Variants in ADGRB2 observed in about 807,000 individuals in gnomAD.
The protein encoded by ADGRB2 is adhesion G protein-coupled receptor B2, also known as brain-specific angiogenesis inhibitor 2.
Under a neutral mutation model 178.7 loss-of-function variants are expected in ADGRB2, and 47 were observed. The ratio of observed to expected loss-of-function variants is 0.26; its 90% confidence interval spans 0.21 to 0.34. The LOEUF is 0.34. Among genes scored for constraint, ADGRB2 ranks in the 10% least tolerant of loss-of-function variants. The pLI is 1.00. For missense variants in ADGRB2, 1,584 were observed against 2,180.8 expected (o/e 0.73, Z 5.45); for synonymous variants, 870 against 912.4 (o/e 0.95, Z 0.84).
rs969892057 is a variant in ADGRB2 at position 31,754,379 on chromosome 1, C to T, written c.838+1620G>A. On this transcript the variant is annotated intron_variant, in intron 4 of 32. Coordinates refer to ENST00000373658, the MANE Select transcript of ADGRB2 (RefSeq NM_001364857.2). The surrounding 1 kb of genome is among the most constrained non-coding windows in gnomAD (Gnocchi z 5.7). ...GCAGGGAAAGCCAGACAAAAGAACC[C>T]GCCTGCAGCTGAGCACGATGGGGGA... 2.0e-5 allele frequency among the ~76,000 whole-genome samples: 3 copies of T among 152,266 alleles called. No homozygotes were observed. The highest frequency in any genetic ancestry group is 7.2e-5 in the African/African-American group (3 of 41,476).
intron 25 of ADGRB2, among the ~76,000 whole-genome samples, chr1:31,734,908 C>T (rs1557742026): frequency 6.6e-6 from 1 of 151,706 alleles, no homozygotes; most frequent in African/African-American, 2.4e-5. Flanking sequence ...GGGTGTGGGG[C>T]GGTGCAGGAT....
Position 31,737,562 on chromosome 1 carries a change from C to T in ADGRB2, c.2877-31G>A, listed in dbSNP as rs2271931. On this transcript the variant is annotated intron_variant, in intron 19 of 32. Transcript: ENST00000373658. ...GGGGCACAGCAGGCAGGGACAGAGGCGCTGGCTGCCCCATCCGACCTGGTG... is the reference window on the plus strand; with the variant it reads ...GGGGCACAGCAGGCAGGGACAGAGGTGCTGGCTGCCCCATCCGACCTGGTG... The T allele has an allele frequency of 1.1e-5, 17 of 1,611,660 alleles. 1 individual carries two copies. The highest frequency in any genetic ancestry group is 5.0e-5 in the Admixed American group (3 of 59,960).
chr1:31,738,174 A>G (rs1645731104), intron 18 of ADGRB2, 26 bp downstream of exon 18: 3 of 1,609,578 alleles, frequency 1.9e-6, no homozygotes, highest in Non-Finnish European at 2.5e-6. Flanking sequence ...TCCCTTATTC[A>G]GCCCAGGCAC....
At chr1:31,731,562 TA>T in intron 28 of ADGRB2, 143 bp from the exon 29 acceptor site, 1 of 1,033,900 alleles carries the variant, frequency 9.7e-7, no homozygotes, top group Non-Finnish European at 1.4e-6. Context: ...GGGTGGTTGG[TA>T]ATCTCTCACA....
intron 26 of ADGRB2, 124 bp downstream of exon 26, chr1:31,732,848 C>A (rs1304216226): frequency 7.5e-7 from 1 of 1,331,000 alleles, no homozygotes. Flanking sequence ...ACAGTAAGGG[C>A]TGCCCAGATG....
rs1009685881 is a variant in ADGRB2, at chr1:31,754,993, C to T, written c.838+1006G>A. ...CAGATGCCCTTTCCATCCTCTATCCCTGCATCCTTGATCCTCATGAGGATA... is the reference window on the plus strand; with the variant it reads ...CAGATGCCCTTTCCATCCTCTATCCTTGCATCCTTGATCCTCATGAGGATA... On this transcript the variant is annotated intron_variant, in intron 4 of 32. Transcript: ENST00000373658. The surrounding 1 kb of genome is among the most constrained non-coding windows in gnomAD (Gnocchi z 5.7). 6.6e-6 allele frequency among the ~76,000 whole-genome samples: 1 copy of T among 152,248 alleles called. No individual in the cohort carries two copies. The highest frequency in any genetic ancestry group is 1.5e-5 in the Non-Finnish European group (1 of 68,040).
chr1:31,739,091 C>T, intron 15 of ADGRB2, 154 bp from the exon 16 acceptor site: 1 of 834,610 alleles, frequency 1.2e-6, no homozygotes, highest in Admixed American at 2.9e-5. Flanking sequence ...CAGGTGAGGT[C>T]TAGAGCTCTG....
rs543016986 is a variant in ADGRB2, at chr1:31,738,973, G to A, written c.2496-36C>T. On this transcript the variant is annotated intron_variant, in intron 15 of 32. Coordinates refer to ENST00000373658, the MANE Select transcript of ADGRB2 (RefSeq NM_001364857.2). Reference sequence around the variant, plus strand: ...GGTACCGAAGTCAGCTCCTGCCAGCGGGTGCCAGCCCCAGTCAGAAACCCT... The same window carrying A: ...GGTACCGAAGTCAGCTCCTGCCAGCAGGTGCCAGCCCCAGTCAGAAACCCT... 9.7e-6 allele frequency: 15 copies of A among 1,545,772 alleles called. No homozygotes were observed. The East Asian group carries it at 1.1e-4, about 12-fold the overall frequency.
Position 31,740,901 on chromosome 1 carries a change from A to G in ADGRB2, c.1795-360T>C, listed in dbSNP as rs942978602. Among the ~76,000 whole-genome samples the G allele has an allele frequency of 6.3e-4, 95 of 149,656 alleles. No individual in the cohort carries two copies. Among genetic ancestry groups the G allele is most frequent in the African/African-American group, 1.9e-3 (78 of 40,210 alleles). Reference sequence around the variant, plus strand: ...CATGTGTGTGGGCGCGCGCGCACACACACACACACACACACACACACACAC... The same window carrying G: ...CATGTGTGTGGGCGCGCGCGCACACGCACACACACACACACACACACACAC... On this transcript the variant is annotated intron_variant, in intron 11 of 32. Coordinates refer to ENST00000373658, the MANE Select transcript of ADGRB2 (RefSeq NM_001364857.2). The surrounding 1 kb of genome is among the most constrained non-coding windows in gnomAD (Gnocchi z 5.9).
chr1:31,740,045 A>G lies in ADGRB2; in HGVS notation c.2059-11T>C. ...AGAGCCAGGGGACACCTGGGGACAG[A>G]AAGTGTGTAAGGGTCCAAGGCAGGG... On this transcript the variant is annotated splice_polypyrimidine_tract_variant and intron_variant, in intron 13 of 32. Transcript: ENST00000373658. This position sits in a 1 kb window ranked among gnomAD's most constrained non-coding sequence, Gnocchi z 5.9. The G allele has an allele frequency of 6.2e-7, 1 of 1,614,168 alleles. No homozygotes were observed. Among genetic ancestry groups the G allele is most frequent in the Non-Finnish European group, 8.5e-7 (1 of 1,180,004 alleles).
chr1:31,730,702 G>C (rs558355896), intron 29 of ADGRB2, 98 bp downstream of exon 29: 2 of 1,372,152 alleles, frequency 1.5e-6, no homozygotes, highest in East Asian at 5.1e-5. Context: ...TGACTTTTAC[G>C]AGAGGCCGCT....
rs1431939538 is a variant in ADGRB2 at position 31,755,080 on chromosome 1, C to T, written c.838+919G>A. On this transcript the variant is annotated intron_variant, in intron 4 of 32. Coordinates refer to ENST00000373658, the MANE Select transcript of ADGRB2 (RefSeq NM_001364857.2). The surrounding 1 kb of genome is among the most constrained non-coding windows in gnomAD (Gnocchi z 5.1). ...CCAGAGAGAGGAGAGGCCTCCCTGTCGGTACCAGAGCTGCAGACCAGACCC... is the reference window on the plus strand; with the variant it reads ...CCAGAGAGAGGAGAGGCCTCCCTGTTGGTACCAGAGCTGCAGACCAGACCC... Among the ~76,000 whole-genome samples the T allele has an allele frequency of 3.9e-5, 6 of 152,200 alleles. No homozygotes were observed. Among genetic ancestry groups the T allele is most frequent in the African/African-American group, 1.2e-4 (5 of 41,456 alleles).
rs901757474 is a variant in ADGRB2 at position 31,755,250 on chromosome 1, G to A, written c.838+749C>T. 2.6e-5 allele frequency among the ~76,000 whole-genome samples: 4 copies of A among 152,238 alleles called. No individual in the cohort carries two copies. Among genetic ancestry groups the A allele is most frequent in the African/African-American group, 9.6e-5 (4 of 41,466 alleles). On this transcript the variant is annotated intron_variant, in intron 4 of 32. Coordinates refer to ENST00000373658, the MANE Select transcript of ADGRB2 (RefSeq NM_001364857.2). The surrounding 1 kb of genome is among the most constrained non-coding windows in gnomAD (Gnocchi z 5.1). Reference sequence around the variant, plus strand: ...CTTGAAGCTGCAGGAAGCAGGGTCTGTAGAAGGCAGCCGTGGCTGAGGGAG... The same window carrying A: ...CTTGAAGCTGCAGGAAGCAGGGTCTATAGAAGGCAGCCGTGGCTGAGGGAG...
In ADGRB2 at chr1:31,753,314, T is replaced by C. The variant is rs751158230; in HGVS notation, c.838+2685A>G. 3.9e-5 allele frequency among the ~76,000 whole-genome samples: 6 copies of C among 152,128 alleles called. No homozygotes were observed. Among genetic ancestry groups the C allele is most frequent in the Non-Finnish European group, 7.3e-5 (5 of 68,042 alleles). Reference sequence around the variant, plus strand: ...AATTTATGGCTCAACTCACCAAAAATAACAAGAGATCTATCAAAGGCAGTT... The same window carrying C: ...AATTTATGGCTCAACTCACCAAAAACAACAAGAGATCTATCAAAGGCAGTT... On this transcript the variant is annotated intron_variant, in intron 4 of 32. Coordinates refer to ENST00000373658, the MANE Select transcript of ADGRB2 (RefSeq NM_001364857.2). The surrounding 1 kb of genome is among the most constrained non-coding windows in gnomAD (Gnocchi z 4.1).
Position 31,739,591 on chromosome 1 carries a change from T to C in ADGRB2, c.2212A>G (p.Ile738Val). ...CGGCGGCCCCGCATGGGGAACGTGA[T>C]GTCACTGGACACAGCTGAGACGGGC... ...REPVSAVSSD[I>V]TFPMRGRRGM... The change falls in exon 15 of 33, where the codon ATC (isoleucine) becomes GTC (valine). Residue 738 changes from isoleucine (I) to valine (V), a missense_variant. By Grantham distance (29) the Ile-to-Val change is conservative. Transcript: ENST00000373658. 1 of 1,609,304 alleles carries C rather than the reference T, an allele frequency of 6.2e-7. No homozygotes were observed. Among genetic ancestry groups the C allele is most frequent in the Non-Finnish European group, 8.5e-7 (1 of 1,177,756 alleles).
rs755898509 is a variant in ADGRB2 at position 31,744,634 on chromosome 1, C to G, written c.922+14G>C. 1 of 1,613,370 alleles carries G rather than the reference C, an allele frequency of 6.2e-7. No homozygotes were observed. Among genetic ancestry groups the G allele is most frequent in the Middle Eastern group, 1.7e-4 (1 of 6,020 alleles). On this transcript the variant is annotated intron_variant, in intron 5 of 32. Transcript: ENST00000373658. This position sits in a 1 kb window ranked among gnomAD's most constrained non-coding sequence, Gnocchi z 6.7. ...GGCCCCCGCCGCAGAGGAAGGGAGG[C>G]GGGCCCGAGTTACCTGTCTGCGCCA...
chr1:31,727,188 C>G lies in ADGRB2; in HGVS notation c.*232G>C. On this transcript the variant is annotated 3_prime_UTR_variant, in exon 33 of 33. Coordinates refer to ENST00000373658, the MANE Select transcript of ADGRB2 (RefSeq NM_001364857.2). This position sits in a 1 kb window ranked among gnomAD's most constrained non-coding sequence, Gnocchi z 4.4. The stretch of plus-strand genomic sequence containing the variant: ...CCAGCCCGGGACAGGGACGGACAGG[C>G]TGGGCTGAAGATGGGGTTCCAGTGG... The G allele has an allele frequency of 2.0e-6, 1 of 490,464 alleles. No homozygotes were observed. Among genetic ancestry groups the G allele is most frequent in the Non-Finnish European group, 3.5e-6 (1 of 285,340 alleles). 30.4% of individuals were successfully genotyped at this position (490,464 alleles called of 1,614,324 possible). A position where few individuals can be genotyped will look rare whatever the true frequency, so the allele number is the denominator to read the frequency against.
chr1:31,739,463 T>G lies in ADGRB2; in HGVS notation c.2340A>C (p.Ala780=), dbSNP rs1329812068. 2 of 1,609,850 alleles carry G rather than the reference T, an allele frequency of 1.2e-6. No individual in the cohort carries two copies. Among genetic ancestry groups the G allele is most frequent in the Admixed American group, 1.7e-5 (1 of 59,576 alleles). The part of the protein sequence containing the change: ...SPGKPATSGA[A]GSPGRGRGPG... Reference sequence around the variant, plus strand: ...GGCCCCTCCCCCTGCCAGGGCTGCCTGCTGCCCCAGATGTGGCTGGCTTCC... The same window carrying G: ...GGCCCCTCCCCCTGCCAGGGCTGCCGGCTGCCCCAGATGTGGCTGGCTTCC... The change falls in exon 15 of 33, where the codon GCA becomes GCC. Residue 780 remains alanine (A), a synonymous_variant. Coordinates refer to ENST00000373658, the MANE Select transcript of ADGRB2 (RefSeq NM_001364857.2).
In ADGRB2 at chr1:31,731,401, T is replaced by C; in HGVS notation, c.3779A>G (p.Asn1260Ser). The change falls in exon 29 of 33, where the codon AAC becomes AGC. Residue 1260 changes from asparagine (N) to serine (S), a missense_variant. Transcript: ENST00000373658. ...ACQTVLFKEVNTCNPSTITGT... is the reference protein window; with the variant it reads ...ACQTVLFKEVSTCNPSTITGT... ...CGTGATGGTGGACGGGTTGCAAGTGTTGACCTCCTTGAACAGCACTGGGGG... is the reference window on the plus strand; with the variant it reads ...CGTGATGGTGGACGGGTTGCAAGTGCTGACCTCCTTGAACAGCACTGGGGG... The C allele has an allele frequency of 6.2e-7, 1 of 1,603,144 alleles. No individual in the cohort carries two copies. Among genetic ancestry groups the C allele is most frequent in the Non-Finnish European group, 8.5e-7 (1 of 1,174,662 alleles).
Sources: allele counts gnomAD v4.1 joint callset (sites outside exome capture counted in the v4.1 genomes callset), GRCh38; gene constraint gnomAD v4.1.1; non-coding constraint Gnocchi (gnomAD v3.1); transcripts MANE v1.5; gene names NCBI Gene and HGNC (gene_info 2026-07-23, HGNC 2026-07-21).